The following CFAP65 variants were observed in gnomAD, a reference collection of about 807,000 sequenced individuals.
CFAP65 encodes the protein cilia and flagella associated protein 65.
CFAP65 carries 155 observed loss-of-function variants against 208.0 expected under a neutral mutation model. That is an observed-to-expected ratio of 0.75 (90% confidence interval 0.65 to 0.85). The LOEUF (loss-of-function observed/expected upper bound fraction) is 0.85. Ranked by LOEUF, CFAP65 falls within the 40% of genes least tolerant of loss-of-function variation. The probability of loss-of-function intolerance (pLI) is 0.00; values close to 1 mark genes in which losing one functional copy is unlikely to be tolerated. For missense variants in CFAP65, 2,294 were observed against 2,451.3 expected, an observed-to-expected ratio of 0.94 and a Z score of 1.36; for synonymous variants, 970 against 986.3, an observed-to-expected ratio of 0.98 and a Z score of 0.31.
chr2:219,011,821 G>T (rs1405615416), intron 24 of CFAP65, among the ~76,000 whole-genome samples: 1 of 152,320 alleles, frequency 6.6e-6, no homozygotes, highest in African/African-American at 2.4e-5. Context: ...TATTTCTCTA[G>T]CCTGGACCAC....
chr2:219,027,282 C>T, intron 13 of CFAP65: 1 of 1,380,668 alleles, frequency 7.2e-7, no homozygotes, highest in East Asian at 2.6e-5. Flanking sequence ...TTCCTGCCCG[C>T]TCAAAGCTCC....
At chr2:219,018,780 T>C (rs1462981609) in intron 21 of CFAP65, 1 of 454,560 alleles carries the variant, frequency 2.2e-6, no homozygotes, top group Non-Finnish European at 4.0e-6. Flanking sequence ...ATGTGTCTCA[T>C]TTGTTAAGTT....
Position 219,038,566 on chromosome 2 carries a change from T to G in CFAP65, c.166A>C (p.Ser56Arg). 1 of 1,613,750 alleles carries G rather than the reference T, an allele frequency of 6.2e-7. No homozygotes were observed. The highest frequency in any genetic ancestry group is 8.5e-7 in the Non-Finnish European group (1 of 1,179,804). The change falls in exon 4 of 35, where the codon AGT becomes CGT. Residue 56 changes from serine to arginine, a missense_variant. This residue lies in a region of CFAP65 where 867 missense variants were observed against 1,012.6 expected (regional missense o/e 0.86). Transcript: ENST00000341552. ...SKSQIKLHTQ[S>R]APFGLCPKDM... is the part of the protein sequence containing the mutation. ...TTGGGACACAGTCCAAAGGGAGCAC[T>G]CTGAGTATGGAGCTGGGAAGAGAGC...
chr2:219,014,448 A>C (rs1946706380), intron 21 of CFAP65: 1 of 164,232 alleles, frequency 6.1e-6, no homozygotes. Flanking sequence ...TGGGGTGTCC[A>C]GGCCAACTTG....
At chr2:219,022,021 G>A (rs1264597571) in intron 17 of CFAP65, 91 bp from the exon 18 acceptor site, 1 of 1,566,032 alleles carries the variant, frequency 6.4e-7, no homozygotes, top group Non-Finnish European at 8.7e-7. Context: ...ATCCCCCAAG[G>A]AAGGGCAAGT....
intron 27 of CFAP65, 96 bp from the exon 28 acceptor site, chr2:219,009,556 T>G: frequency 1.2e-6 from 1 of 819,530 alleles, no homozygotes; most frequent in East Asian, 2.6e-5. Context: ...CAGGATAAGA[T>G]GAGATGAGAC....
At chr2:219,023,484 C>A in intron 15 of CFAP65, 53 bp from the exon 16 acceptor site, 1 of 1,309,238 alleles carries the variant, frequency 7.6e-7, no homozygotes, top group South Asian at 1.3e-5. Context: ...CAGTCCCAGC[C>A]CCCCACAACA....
chr2:219,023,303 A>G lies in CFAP65; in HGVS notation c.2724T>C (p.Arg908=), dbSNP rs1420894195. The G allele has an allele frequency of 1.2e-6, 2 of 1,613,368 alleles. No individual in the cohort carries two copies. The highest frequency in any genetic ancestry group is 2.2e-5 in the South Asian group (2 of 90,852). ...TSPFTFRNPS[R]LPLQFEWRVS... ...CCCTCCACTCGAACTGCAGGGGCAG[A>G]CGCGAGGGGTTGCGGAAGGTGAAGG... The change falls in exon 16 of 35, where the codon CGT becomes CGC. Residue 908 remains arginine, a synonymous_variant. Transcript: ENST00000341552.
At position 219,038,339 on chromosome 2, in the gene CFAP65, C is replaced by G. The variant is rs756855746; in HGVS notation, c.357+36G>C. ...CACCCATGCCCCGCCCTGGCCCTGC[C>G]ACACCCTGCTCTGCCTGCCCTGGCT... On this transcript the variant is annotated intron_variant, in intron 4 of 34. Transcript: ENST00000341552. 1.9e-6 allele frequency: 3 copies of G among 1,602,422 alleles called. No individual in the cohort carries two copies. The South Asian group carries it at 3.3e-5, about 18-fold the overall frequency.
Position 219,038,368 on chromosome 2 carries a change from TC to T in CFAP65, c.357+6del. 6.2e-7 allele frequency: 1 copy of T among 1,612,410 alleles called. No individual in the cohort carries two copies. Among genetic ancestry groups the T allele is most frequent in the Non-Finnish European group, 8.5e-7 (1 of 1,179,894 alleles). On this transcript the variant is annotated splice_donor_region_variant and intron_variant, in intron 4 of 34. Transcript: ENST00000341552. Reference sequence around the variant, plus strand: ...CCCTGCTCTGCCTGCCCTGGCTGTATCCTTACCTGGGCGCTGATGGTGCTGC... The same window carrying T: ...CCCTGCTCTGCCTGCCCTGGCTGTATCTTACCTGGGCGCTGATGGTGCTGC...
intron 14 of CFAP65, 65 bp from the exon 15 acceptor site, chr2:219,024,325 G>A: frequency 6.5e-7 from 1 of 1,543,266 alleles, no homozygotes; most frequent in South Asian, 1.2e-5. Context: ...ACACACTCAG[G>A]GCCCTATGGG....
At chr2:219,039,696 T>G (rs1450146974) in intron 2 of CFAP65, among the ~76,000 whole-genome samples, 1 of 152,252 alleles carries the variant, frequency 6.6e-6, no homozygotes, top group Non-Finnish European at 1.5e-5. Context: ...ACATTGAATA[T>G]GTAATCGATA....
Position 219,031,052 on chromosome 2 carries a change from A to G in CFAP65, c.1015+54T>C, listed in dbSNP as rs1427292740. On this transcript the variant is annotated intron_variant, in intron 8 of 34. Transcript: ENST00000341552. The surrounding 1 kb of genome is among the most constrained non-coding windows in gnomAD (Gnocchi z 5.2). ...GGTGGGGGACACTGAGGCCTGGAGG[A>G]CCCAGAAGGTGCAGGAGGGGCCAGT... The G allele has an allele frequency of 6.5e-7, 1 of 1,530,214 alleles. No individual in the cohort carries two copies. The highest frequency in any genetic ancestry group is 1.4e-5 in the African/African-American group (1 of 72,864). The allele number at this position is 1,530,214 out of a possible 1,614,324, so 94.8% of individuals were successfully genotyped here. A position where few individuals can be genotyped will look rare whatever the true frequency, so the allele number is the denominator to read the frequency against.
chr2:219,025,731 G>A (rs1947585406), intron 14 of CFAP65, among the ~76,000 whole-genome samples: 1 of 152,198 alleles, frequency 6.6e-6, no homozygotes, highest in African/African-American at 2.4e-5. Context: ...AAATGCAGGA[G>A]CTGGAGGGTT....
In CFAP65 at chr2:219,019,122, G is replaced by A. The variant is rs143400994; in HGVS notation, c.3531C>T (p.Ala1177=). ...TPLRLDFNFG[A]APFKAPPSVV... Reference sequence around the variant, plus strand: ...CGGAAGGTGGGGCCTTGAATGGTGCGGCCCCGAAATTGAAGTCAAGCCTTA... The same window carrying A: ...CGGAAGGTGGGGCCTTGAATGGTGCAGCCCCGAAATTGAAGTCAAGCCTTA... The change falls in exon 21 of 35, where the codon GCC becomes GCT. Residue 1177 remains alanine, a synonymous_variant. Coordinates refer to ENST00000341552, the MANE Select transcript of CFAP65 (RefSeq NM_194302.4). 262 of 1,614,166 alleles carry A rather than the reference G, an allele frequency of 1.6e-4. No homozygotes were observed. In the East Asian group the frequency reaches 5.3e-3, roughly 33 times the overall value.
rs1013867907 is a variant in CFAP65 at position 219,032,319 on chromosome 2, G to C, written c.645+151C>G. ...TCTGTCTAATGAGATGAGGGGCTAAGCCCTTGACGGGGCCTCCCAAGCTGG... is the reference window on the plus strand; with the variant it reads ...TCTGTCTAATGAGATGAGGGGCTAACCCCTTGACGGGGCCTCCCAAGCTGG... On this transcript the variant is annotated intron_variant, in intron 6 of 34. Transcript: ENST00000341552. The surrounding 1 kb of genome is among the most constrained non-coding windows in gnomAD (Gnocchi z 5.5). 1.6e-6 allele frequency: 1 copy of C among 616,254 alleles called. No homozygotes were observed. Among genetic ancestry groups the C allele is most frequent in the African/African-American group, 1.8e-5 (1 of 54,460 alleles). The allele number at this position is 616,254 out of a possible 1,614,324, so 38.2% of individuals were successfully genotyped here.
In CFAP65 at chr2:219,028,310, G is replaced by A. The variant is rs772150541; in HGVS notation, c.1742C>T (p.Thr581Ile). 1.7e-5 allele frequency: 27 copies of A among 1,614,008 alleles called. No individual in the cohort carries two copies. The highest frequency in any genetic ancestry group is 2.1e-5 in the Non-Finnish European group (25 of 1,180,016). ...GAGCGTCAGGCCCCGGGCCAGGTGT[G>A]TGCGGTACCAGGTGAGGTGCTGAGG... Reference protein sequence around the residue: ...LKPQHLTWYRTHLARGLTLYP... With the variant: ...LKPQHLTWYRIHLARGLTLYP... Residue 581 changes from threonine to isoleucine, a missense_variant, in exon 12 of 35, where the codon ACA becomes ATA. This residue lies in a region of CFAP65 where 867 missense variants were observed against 1,012.6 expected (regional missense o/e 0.86). Transcript: ENST00000341552.
chr2:219,028,564 C>T (rs886504185), intron 11 of CFAP65, 163 bp from the exon 12 acceptor site: 4 of 664,510 alleles, frequency 6.0e-6, no homozygotes, highest in African/African-American at 1.8e-5. Flanking sequence ...TGGTCTGGCT[C>T]AGCCAGGGCA....
chr2:219,013,267 G>A lies in CFAP65; in HGVS notation c.3949C>T (p.Pro1317Ser), dbSNP rs1481516987. ...IPIPIGDTLP[P>S]RQIYELYNGG... The stretch of plus-strand genomic sequence containing the variant: ...CAATGTGGACCACTGACCTGCCGTG[G>A]GGGTAGCGTGTCACCAATGGGAATG... The change falls in exon 24 of 35, where the codon CCA (proline) becomes TCA (serine). Residue 1317 changes from proline (P) to serine (S), a missense_variant. Transcript: ENST00000341552. The A allele has an allele frequency of 3.1e-6, 5 of 1,611,452 alleles. No individual in the cohort carries two copies. Among genetic ancestry groups the A allele is most frequent in the South Asian group, 1.1e-5 (1 of 90,844 alleles).
Sources: allele counts gnomAD v4.1 joint callset (sites outside exome capture counted in the v4.1 genomes callset), GRCh38; gene constraint gnomAD v4.1.1; regional missense constraint gnomAD v4.1.1; non-coding constraint Gnocchi (gnomAD v3.1); transcripts MANE v1.5; gene names NCBI Gene and HGNC (gene_info 2026-07-23, HGNC 2026-07-21).